Variants in TNFSF10 observed in about 807,000 individuals in gnomAD.
TNFSF10 encodes TNF superfamily member 10, also known as tumor necrosis factor ligand superfamily member 10.
In TNFSF10, 13 loss-of-function variants were observed where a neutral mutation model predicts 29.5. The observed-to-expected ratio is 0.44, with a 90% CI of 0.29 to 0.70. TNFSF10 has a LOEUF of 0.70. TNFSF10 is among the 30% of genes least tolerant of loss of function. TNFSF10 has a pLI of 0.13. For missense variants in TNFSF10, 345 were observed against 330.9 expected, an observed-to-expected ratio of 1.04 and a Z score of -0.33; for synonymous variants, 111 against 112.8, an observed-to-expected ratio of 0.98 and a Z score of 0.10.
At position 172,523,290 on chromosome 3, in the gene TNFSF10, G is replaced by A; in HGVS notation, c.95C>T (p.Ala32Val). 3 of 1,613,998 alleles carry A rather than the reference G, an allele frequency of 1.9e-6. No individual in the cohort carries two copies. Among genetic ancestry groups the A allele is most frequent in the South Asian group, 1.1e-5 (1 of 91,080 alleles). The change falls in exon 1 of 5, where the codon GCT becomes GTT. Residue 32 changes from alanine to valine, a missense_variant. Coordinates refer to ENST00000241261, the MANE Select transcript of TNFSF10 (RefSeq NM_003810.4). ...GTTGGTAAAGTACACGTAAGTTACAGCCACACAGAGAGACTGCAGGAGCAC... is the reference window on the plus strand; with the variant it reads ...GTTGGTAAAGTACACGTAAGTTACAACCACACAGAGAGACTGCAGGAGCAC... ...FTVLLQSLCV[A>V]VTYVYFTNEL...
At chr3:172,512,982 A>G (rs1713286776) in intron 2 of TNFSF10, among the ~76,000 whole-genome samples, 1 of 152,224 alleles carries the variant, frequency 6.6e-6, no homozygotes, top group African/African-American at 2.4e-5. Flanking sequence ...ATTAAATGAG[A>G]TAATGTATGA....
intron 2 of TNFSF10, among the ~76,000 whole-genome samples, chr3:172,512,551 A>T (rs1487550847): frequency 6.6e-6 from 1 of 152,208 alleles, no homozygotes; most frequent in East Asian, 1.9e-4. Flanking sequence ...GCAAGCCCTG[A>T]TGCCGGATAA....
chr3:172,510,270 A>G (rs1577010689), intron 3 of TNFSF10, among the ~76,000 whole-genome samples: 1 of 152,204 alleles, frequency 6.6e-6, no homozygotes, highest in African/African-American at 2.4e-5. Context: ...AGCCTGGGCA[A>G]CATAGTGAAA....
chr3:172,517,852 G>A (rs1329194812), intron 1 of TNFSF10: 2 of 984,880 alleles, frequency 2.0e-6, no homozygotes, highest in South Asian at 4.7e-5. Context: ...TGTCATTTTG[G>A]TGTTTCTCTT....
intron 2 of TNFSF10, among the ~76,000 whole-genome samples, chr3:172,513,510 G>GT (rs1351702276): frequency 1.3e-5 from 2 of 152,164 alleles, no homozygotes; most frequent in Non-Finnish European, 2.9e-5. Flanking sequence ...CACAGAACAG[G>GT]TATGTTTCTA....
rs189476741 is a variant in TNFSF10, at chr3:172,506,552, A to G, written c.786T>C (p.Asn262=). 1.8e-5 allele frequency: 29 copies of G among 1,614,114 alleles called. No homozygotes were observed. The highest frequency in any genetic ancestry group is 1.2e-4 in the Admixed American group (7 of 60,010). ...ENDRIFVSVT[N]EHLIDMDHEA... ...CATGGTCCATGTCTATCAAGTGCTC[A>G]TTTGTTACAGAAACAAAAATTCTGT... The change falls in exon 5 of 5, where the codon AAT becomes AAC. Residue 262 remains asparagine (N), a synonymous_variant. Coordinates refer to ENST00000241261, the MANE Select transcript of TNFSF10 (RefSeq NM_003810.4).
intron 1 of TNFSF10, among the ~76,000 whole-genome samples, chr3:172,515,226 A>G (rs1345125941): frequency 6.6e-6 from 1 of 151,360 alleles, no homozygotes; most frequent in East Asian, 1.9e-4. Context: ...GGTGTGCTTC[A>G]GGCATCTGGA....
chr3:172,521,616 T>C (rs573286157), intron 1 of TNFSF10, among the ~76,000 whole-genome samples: 1 of 152,324 alleles, frequency 6.6e-6, no homozygotes, highest in Non-Finnish European at 1.5e-5. Context: ...TATAAATTAG[T>C]TCAACCAGTG....
At position 172,511,540 on chromosome 3, in the gene TNFSF10, A is replaced by G; in HGVS notation, c.313+77T>C. 5 of 1,207,806 alleles carry G rather than the reference A, an allele frequency of 4.1e-6. No homozygotes were observed. The African/African-American group carries it at 4.6e-5, about 11-fold the overall frequency. The allele number at this position is 1,207,806 out of a possible 1,614,324, so 74.8% of individuals were successfully genotyped here. ...GGATGAGTGGATGAGAACACAGAGA[A>G]GGAGAATGGAGAACTATTCACAACC... On this transcript the variant is annotated intron_variant, in intron 3 of 4. Transcript: ENST00000241261.
intron 2 of TNFSF10, among the ~76,000 whole-genome samples, 171 bp from the exon 3 acceptor site, chr3:172,511,830 T>C (rs1713238104): frequency 6.6e-6 from 1 of 152,068 alleles, no homozygotes; most frequent in African/African-American, 2.4e-5. Flanking sequence ...GGGTGGGAGC[T>C]GGGATAAATA....
chr3:172,507,071 T>G (rs1713020726), intron 4 of TNFSF10, 152 bp from the exon 5 acceptor site: 2 of 698,898 alleles, frequency 2.9e-6, no homozygotes, highest in East Asian at 5.5e-5. Context: ...AATCTTAATG[T>G]GGATTATAAA....
At chr3:172,510,438 G>A (rs992755487) in intron 3 of TNFSF10, among the ~76,000 whole-genome samples, 1 of 152,188 alleles carries the variant, frequency 6.6e-6, no homozygotes, top group African/African-American at 2.4e-5. Context: ...CTGGGCAACA[G>A]ATTTGTTAAG....
At chr3:172,513,834 ATT>A (rs5854474) in intron 2 of TNFSF10, among the ~76,000 whole-genome samples, 19 of 146,598 alleles carry the variant, frequency 1.3e-4, no homozygotes, top group African/African-American at 1.8e-4. Context: ...GGCAGAAGCA[ATT>A]TTTTTTTTTT....
At chr3:172,518,613 A>C in intron 1 of TNFSF10, 1 of 559,152 alleles carries the variant, frequency 1.8e-6, no homozygotes, top group South Asian at 1.9e-5. Flanking sequence ...GGCTAAGCCC[A>C]TATTTGTTGT....
Position 172,506,621 on chromosome 3 carries a change from G to A in TNFSF10, c.717C>T (p.Leu239=), listed in dbSNP as rs1375187994. 1.2e-6 allele frequency: 2 copies of A among 1,613,984 alleles called. No homozygotes were observed. The highest frequency in any genetic ancestry group is 8.5e-7 in the Non-Finnish European group (1 of 1,180,020). Residue 239 remains leucine, a synonymous_variant, in exon 5 of 5, where the codon CTC becomes CTT. Coordinates refer to ENST00000241261, the MANE Select transcript of TNFSF10 (RefSeq NM_003810.4). ...ATATTCCCCCTTGATAGATGGAATAGAGTCCATATTCTGCATCTTTAGACC... is the reference window on the plus strand; with the variant it reads ...ATATTCCCCCTTGATAGATGGAATAAAGTCCATATTCTGCATCTTTAGACC... The part of the protein sequence containing the change: ...SCWSKDAEYG[L]YSIYQGGIFE...
chr3:172,517,451 A>G (rs1408962192), intron 1 of TNFSF10: 2 of 984,798 alleles, frequency 2.0e-6, no homozygotes, highest in African/African-American at 1.8e-5. Flanking sequence ...TAAAGCCTGG[A>G]TACATTCAGG....
rs531584311 is a variant in TNFSF10 at position 172,517,480 on chromosome 3, A to G, written c.133-2482T>C. On this transcript the variant is annotated intron_variant, in intron 1 of 4. Coordinates refer to ENST00000241261, the MANE Select transcript of TNFSF10 (RefSeq NM_003810.4). Reference sequence around the variant, plus strand: ...ATTCAGGATACACAGGCAAGCAGGGAAGCATGGAAAAGTAAAGAACACTTT... The same window carrying G: ...ATTCAGGATACACAGGCAAGCAGGGGAGCATGGAAAAGTAAAGAACACTTT... 5 of 875,340 alleles carry G rather than the reference A, an allele frequency of 5.7e-6. No homozygotes were observed. In the East Asian group the frequency reaches 1.1e-3, roughly 192 times the overall value. 54.2% of individuals were successfully genotyped at this position (875,340 alleles called of 1,614,324 possible).
At chr3:172,516,986 C>A (rs866373496) in intron 1 of TNFSF10, among the ~76,000 whole-genome samples, 1 of 152,222 alleles carries the variant, frequency 6.6e-6, no homozygotes, top group Non-Finnish European at 1.5e-5. Context: ...GGCCAAGCTT[C>A]GGTTTGATTA....
In TNFSF10 at chr3:172,514,878, G is replaced by A. The variant is rs764907364; in HGVS notation, c.253C>T (p.Arg85Cys). Residue 85 changes from arginine to cysteine, a missense_variant, in exon 2 of 5, where the codon CGT becomes TGT. Coordinates refer to ENST00000241261, the MANE Select transcript of TNFSF10 (RefSeq NM_003810.4). ...TTACCTACCTTTCTAACGAGCTGAC[G>A]GAGTTGCCACTTGACTTGCCAGCAG... Reference protein sequence around the residue: ...SPCWQVKWQLRQLVRKMILRT... With the variant: ...SPCWQVKWQLCQLVRKMILRT... 4.6e-5 allele frequency: 75 copies of A among 1,614,020 alleles called. No homozygotes were observed. The East Asian group carries it at 1.2e-3, about 27-fold the overall frequency.
Sources: allele counts gnomAD v4.1 joint callset (sites outside exome capture counted in the v4.1 genomes callset), GRCh38; gene constraint gnomAD v4.1.1; transcripts MANE v1.5; gene names NCBI Gene and HGNC (gene_info 2026-07-23, HGNC 2026-07-21).